Variants in RSPO4 observed in about 807,000 individuals in gnomAD.
RSPO4 encodes the protein R-spondin-4.
RSPO4 carries 23 observed loss-of-function variants against 24.8 expected under a neutral mutation model. The observed-to-expected ratio is 0.93, with a 90% CI of 0.67 to 1.31. The LOEUF is 1.31. Ranked by LOEUF, RSPO4 falls within the 40% of genes most tolerant of loss-of-function variation. RSPO4 has a pLI of 0.00. For missense variants in RSPO4, 333 were observed against 316.5 expected, an observed-to-expected ratio of 1.05 and a Z score of -0.39; for synonymous variants, 141 against 127.4, an observed-to-expected ratio of 1.11 and a Z score of -0.72.
chr20:972,522 C>T (rs1445349088), intron 1 of RSPO4, among the ~76,000 whole-genome samples: 1 of 152,226 alleles, frequency 6.6e-6, no homozygotes, highest in Admixed American at 6.5e-5. Context: ...GTTCTCCTCC[C>T]ATTTTCCCTT....
rs1335008366 is a variant in RSPO4, at chr20:981,692, C to T, written c.80-13554G>A. ...AAGGAAGGGCTGGGTTCATGTGTGC[C>T]CGACATGTGTGTGTTTGGGGGACAG... is the stretch of plus-strand genomic sequence containing the variant. On this transcript the variant is annotated intron_variant, in intron 1 of 4. Transcript: ENST00000217260. This position sits in a 1 kb window ranked among gnomAD's most constrained non-coding sequence, Gnocchi z 4.6. Among the ~76,000 whole-genome samples, 1 of 152,180 alleles carries T rather than the reference C, an allele frequency of 6.6e-6. No homozygotes were observed. The highest frequency in any genetic ancestry group is 1.5e-5 in the Non-Finnish European group (1 of 68,036).
intron 1 of RSPO4, among the ~76,000 whole-genome samples, chr20:994,614 C>T (rs1010329489): frequency 2.0e-5 from 3 of 152,172 alleles, no homozygotes; most frequent in Admixed American, 6.5e-5. Flanking sequence ...TAGAGTGCAG[C>T]AGTGCAATCT....
intron 4 of RSPO4, among the ~76,000 whole-genome samples, chr20:963,227 T>C (rs1279415915): frequency 6.6e-6 from 1 of 152,200 alleles, no homozygotes; most frequent in Non-Finnish European, 1.5e-5. Context: ...TTCCATCCAG[T>C]TCTCTCACAT....
In RSPO4 at chr20:967,956, A is replaced by G; in HGVS notation, c.262T>C (p.Cys88Arg). The G allele has an allele frequency of 6.2e-7, 1 of 1,614,170 alleles. No homozygotes were observed. Among genetic ancestry groups the G allele is most frequent in the Non-Finnish European group, 8.5e-7 (1 of 1,180,014 alleles). Residue 88 changes from cysteine (C) to arginine (R), a missense_variant, in exon 2 of 5, where the codon TGC (cysteine) becomes CGC (arginine). Coordinates refer to ENST00000217260, the MANE Select transcript of RSPO4 (RefSeq NM_001029871.4). Reference protein sequence around the residue: ...FGIRGQEVNRCKKCGATCESC... With the variant: ...FGIRGQEVNRRKKCGATCESC... Reference sequence around the variant, plus strand: ...CAAGGGAGAAGCCACGTACTTTTGCACCTGTTGACCTCCTGGCCGCGGATG... The same window carrying G: ...CAAGGGAGAAGCCACGTACTTTTGCGCCTGTTGACCTCCTGGCCGCGGATG...
intron 1 of RSPO4, among the ~76,000 whole-genome samples, chr20:976,905 C>T (rs1422710149): frequency 6.6e-6 from 1 of 152,128 alleles, no homozygotes; most frequent in African/African-American, 2.4e-5. Context: ...TGGAAAAAGT[C>T]AGAACATCTA....
chr20:965,451 GGTGGGCTCCGCCCAAGGGCA>G (rs1568906430), intron 3 of RSPO4, among the ~76,000 whole-genome samples: 1 of 152,260 alleles, frequency 6.6e-6, no homozygotes, highest in African/African-American at 2.4e-5. Flanking sequence ...CCAGGGCCTG[GGTGGGCTCCGCCCAAGGGCA>G]GTGGGAGCCA....
chr20:974,855 CTCTT>C (rs1005791352), intron 1 of RSPO4, among the ~76,000 whole-genome samples: 2 of 152,202 alleles, frequency 1.3e-5, no homozygotes, highest in African/African-American at 4.8e-5. Context: ...TCCATAAATT[CTCTT>C]TTTTTCTCAG....
At chr20:982,284 G>A (rs1163149215) in intron 1 of RSPO4, among the ~76,000 whole-genome samples, 8 of 152,264 alleles carry the variant, frequency 5.3e-5, no homozygotes, top group African/African-American at 1.2e-4. Context: ...CAATCTGTCC[G>A]TGGAGTTGTT....
chr20:963,616 C>T (rs1984076911), intron 4 of RSPO4, among the ~76,000 whole-genome samples: 1 of 152,164 alleles, frequency 6.6e-6, no homozygotes, highest in Non-Finnish European at 1.5e-5. Flanking sequence ...AAGTAGGCCA[C>T]ATTCTCCATG....
At chr20:966,761 G>C (rs372911672) in intron 3 of RSPO4, among the ~76,000 whole-genome samples, 1 of 152,144 alleles carries the variant, frequency 6.6e-6, no homozygotes, top group East Asian at 1.9e-4. Flanking sequence ...AGGCTGAGGC[G>C]GGAGGATTCT....
intron 1 of RSPO4, among the ~76,000 whole-genome samples, chr20:969,291 C>T (rs142332813): frequency 2.6e-5 from 4 of 152,332 alleles, no homozygotes; most frequent in Admixed American, 6.5e-5. Flanking sequence ...GTCGGAGAGA[C>T]AGAGTGAAGC....
intron 1 of RSPO4, among the ~76,000 whole-genome samples, chr20:977,060 C>T (rs1252035366): frequency 1.3e-5 from 2 of 152,184 alleles, no homozygotes; most frequent in Non-Finnish European, 2.9e-5. Context: ...ATGTTATCAT[C>T]CTTGAGCTAC....
At chr20:979,558 T>C (rs896343038) in intron 1 of RSPO4, among the ~76,000 whole-genome samples, 2 of 151,852 alleles carry the variant, frequency 1.3e-5, no homozygotes, top group Admixed American at 1.3e-4. Flanking sequence ...CATAGCACAA[T>C]GTCAGTCACC....
chr20:968,393 G>C (rs1055519199), intron 1 of RSPO4, among the ~76,000 whole-genome samples: 1 of 152,214 alleles, frequency 6.6e-6, no homozygotes, highest in Non-Finnish European at 1.5e-5. Flanking sequence ...GCCCCTTGTC[G>C]TCCCCTCATC....
In RSPO4 at chr20:968,019, C is replaced by T. The variant is rs387907028; in HGVS notation, c.199G>A (p.Gly67Ser). 5.6e-6 allele frequency: 9 copies of T among 1,614,094 alleles called. No individual in the cohort carries two copies. The highest frequency in any genetic ancestry group is 3.3e-5 in the South Asian group (3 of 91,086). The change falls in exon 2 of 5, where the codon GGC (glycine) becomes AGC (serine). Residue 67 changes from glycine (G) to serine (S), a missense_variant. Transcript: ENST00000217260. ...GGGGGACAGTCGTGCAGGCACTTGC[C>T]GTACTGGCGGATGCCTTCCCGGCGG... ...FIRREGIRQYGKCLHDCPPGY... is the reference protein window; with the variant it reads ...FIRREGIRQYSKCLHDCPPGY...
chr20:967,236 C>T lies in RSPO4; in HGVS notation c.347G>A (p.Gly116Glu). Reference sequence around the variant, plus strand: ...CGGCGGGCAGGTGGGCAGACACTTCCCCTTGTACAAGTAAAACTGCCTCTT... The same window carrying T: ...CGGCGGGCAGGTGGGCAGACACTTCTCCTTGTACAAGTAAAACTGCCTCTT... Reference protein sequence around the residue: ...RCKRQFYLYKGKCLPTCPPGT... With the variant: ...RCKRQFYLYKEKCLPTCPPGT... Residue 116 changes from glycine to glutamate, a missense_variant, in exon 3 of 5, where the codon GGG (glycine) becomes GAG (glutamate). Coordinates refer to ENST00000217260, the MANE Select transcript of RSPO4 (RefSeq NM_001029871.4). The T allele has an allele frequency of 6.2e-7, 1 of 1,614,236 alleles. No homozygotes were observed.
intron 4 of RSPO4, among the ~76,000 whole-genome samples, chr20:961,380 C>G (rs1248416166): frequency 4.6e-5 from 7 of 152,204 alleles, no homozygotes. Flanking sequence ...AGGTGCGCAG[C>G]GAGGCTGTTA....
chr20:991,988 G>A (rs1317793198), intron 1 of RSPO4, among the ~76,000 whole-genome samples: 1 of 152,000 alleles, frequency 6.6e-6, no homozygotes, highest in Non-Finnish European at 1.5e-5. Context: ...TGCCTGCAGG[G>A]AGGCGGGGGA....
chr20:980,721 G>C (rs1984709463), intron 1 of RSPO4, among the ~76,000 whole-genome samples: 2 of 152,162 alleles, frequency 1.3e-5, no homozygotes, highest in African/African-American at 4.8e-5. Context: ...ACTCACATTT[G>C]TTGATTTCAT....
Sources: allele counts gnomAD v4.1 joint callset (sites outside exome capture counted in the v4.1 genomes callset), GRCh38; gene constraint gnomAD v4.1.1; non-coding constraint Gnocchi (gnomAD v3.1); transcripts MANE v1.5; gene names NCBI Gene and HGNC (gene_info 2026-07-23, HGNC 2026-07-21).